The following SMTNL2 variants were observed in gnomAD, a reference collection of about 807,000 sequenced individuals.
SMTNL2 encodes the protein smoothelin-like protein 2.
In SMTNL2, 43 loss-of-function variants were observed where a neutral mutation model predicts 44.1. That is an observed-to-expected ratio of 0.98 (90% CI 0.76 to 1.26). SMTNL2 has a LOEUF of 1.26. SMTNL2 is among the 50% of genes most tolerant of loss of function. The probability of loss-of-function intolerance (pLI) is 0.00; values close to 1 mark genes in which losing one functional copy is unlikely to be tolerated. For synonymous variants in SMTNL2, 317 were observed against 287.6 expected, an observed-to-expected ratio of 1.10 and a Z score of -1.03; for missense variants, 646 against 670.2, an observed-to-expected ratio of 0.96 and a Z score of 0.40.
In SMTNL2 at chr17:4,592,237, G is replaced by T; in HGVS notation, c.400-124G>T. 2 of 877,688 alleles carry T rather than the reference G, an allele frequency of 2.3e-6. No individual in the cohort carries two copies. Among genetic ancestry groups the T allele is most frequent in the Non-Finnish European group, 3.6e-6 (2 of 551,538 alleles). 54.4% of individuals were successfully genotyped at this position (877,688 alleles called of 1,614,324 possible). On this transcript the variant is annotated intron_variant, in intron 1 of 7. Transcript: ENST00000389313. This position sits in a 1 kb window ranked among gnomAD's most constrained non-coding sequence, Gnocchi z 4.5. ...TTGGCCCGTCACTTTCTTCCTGGGGGCTGTTTTCTCTCAACATGATTGGTG... is the reference window on the plus strand; with the variant it reads ...TTGGCCCGTCACTTTCTTCCTGGGGTCTGTTTTCTCTCAACATGATTGGTG...
chr17:4,592,598 G>A lies in SMTNL2; in HGVS notation c.487+150G>A, dbSNP rs1909627102. ...AGGGAGAGAGGCTGCCAGGAGAGCA[G>A]CGTCATTCAGTAGAACTTGTGAAAC... is the stretch of plus-strand genomic sequence containing the variant. On this transcript the variant is annotated intron_variant, in intron 2 of 7. Transcript: ENST00000389313. This position sits in a 1 kb window ranked among gnomAD's most constrained non-coding sequence, Gnocchi z 4.5. 1.4e-6 allele frequency: 1 copy of A among 731,800 alleles called. No homozygotes were observed. The highest frequency in any genetic ancestry group is 2.2e-6 in the Non-Finnish European group (1 of 455,516). 45.3% of individuals were successfully genotyped at this position (731,800 alleles called of 1,614,324 possible). A position where few individuals can be genotyped will look rare whatever the true frequency, so the allele number is the denominator to read the frequency against.
intron 1 of SMTNL2, among the ~76,000 whole-genome samples, chr17:4,588,505 A>G (rs1909435756): frequency 6.6e-6 from 1 of 152,112 alleles, no homozygotes; most frequent in East Asian, 1.9e-4. Flanking sequence ...GTCCCAGCAT[A>G]CCGAGGCCCC....
Position 4,596,329 on chromosome 17 carries a change from G to A in SMTNL2, c.990-531G>A, listed in dbSNP as rs562864734. 7.7e-4 allele frequency among the ~76,000 whole-genome samples: 118 copies of A among 152,344 alleles called. 3 individuals are homozygous for A. The South Asian group carries it at 0.013, about 17-fold the overall frequency. On this transcript the variant is annotated intron_variant, in intron 5 of 7. Coordinates refer to ENST00000389313, the MANE Select transcript of SMTNL2 (RefSeq NM_001114974.2). ...CTGCTCGACTCTAGTGAGGGGGACC[G>A]ACCCCGGACATCTCCCCACTGGCCC...
intron 7 of SMTNL2, among the ~76,000 whole-genome samples, chr17:4,604,947 A>G (rs990136641): frequency 1.3e-5 from 2 of 152,114 alleles, no homozygotes; most frequent in South Asian, 2.1e-4. Flanking sequence ...CCGGGATTAC[A>G]GGTGTGAGCC....
chr17:4,592,440 CGG>C lies in SMTNL2; in HGVS notation c.483_484del (p.Ala162ArgfsTer8), dbSNP rs1567633214. 9 of 1,612,258 alleles carry C rather than the reference CGG, an allele frequency of 5.6e-6. No individual in the cohort carries two copies. The South Asian group carries it at 9.9e-5, about 18-fold the overall frequency. ...TGCATCATGGAAAATGGGCACCAGC[CGG>C]GGGCAGGTAGGGCTGACGGCAGAGG... On this transcript the variant is annotated frameshift_variant, in exon 2 of 8. Coordinates refer to ENST00000389313, the MANE Select transcript of SMTNL2 (RefSeq NM_001114974.2). LOFTEE classifies it high-confidence loss of function. This position sits in a 1 kb window ranked among gnomAD's most constrained non-coding sequence, Gnocchi z 4.5.
chr17:4,595,361 C>A lies in SMTNL2; in HGVS notation c.989+34C>A, dbSNP rs59211026. On this transcript the variant is annotated intron_variant, in intron 5 of 7. Transcript: ENST00000389313. The surrounding 1 kb of genome is among the most constrained non-coding windows in gnomAD (Gnocchi z 5.1). The stretch of plus-strand genomic sequence containing the variant: ...GCCCACTCACAGACAGGCCCGGCCC[C>A]ACGGTGTGCCCAGACCCAGACGGGG... The A allele has an allele frequency of 6.2e-7, 1 of 1,600,976 alleles. No individual in the cohort carries two copies. Among genetic ancestry groups the A allele is most frequent in the Non-Finnish European group, 8.5e-7 (1 of 1,172,836 alleles).
At chr17:4,588,888 G>C (rs1909449193) in intron 1 of SMTNL2, among the ~76,000 whole-genome samples, 1 of 152,226 alleles carries the variant, frequency 6.6e-6, no homozygotes, top group South Asian at 2.1e-4. Context: ...GGGTTTAGGG[G>C]TTCCCCCTGC....
chr17:4,584,530 G>T lies in SMTNL2; in HGVS notation c.-76G>T. The T allele has an allele frequency of 1.7e-6, 2 of 1,207,762 alleles. No homozygotes were observed. Among genetic ancestry groups the T allele is most frequent in the South Asian group, 4.1e-5 (1 of 24,112 alleles). 74.8% of individuals were successfully genotyped at this position (1,207,762 alleles called of 1,614,324 possible). On this transcript the variant is annotated 5_prime_UTR_variant, in exon 1 of 8. Transcript: ENST00000389313. ...GAGCGAAGCCAGCCACGGACGGCCA[G>T]TCGCGGCCCGGAGCTGCGGAGCTCG...
At chr17:4,594,048 G>T in intron 4 of SMTNL2, 151 bp downstream of exon 4, 1 of 734,934 alleles carries the variant, frequency 1.4e-6, no homozygotes, top group Non-Finnish European at 2.3e-6. Flanking sequence ...AGGATGGGGG[G>T]AAGGTCTGAG....
chr17:4,604,551 G>C (rs556691180), intron 7 of SMTNL2, among the ~76,000 whole-genome samples: 1 of 152,194 alleles, frequency 6.6e-6, no homozygotes, highest in Non-Finnish European at 1.5e-5. Context: ...GAGGAGTCTT[G>C]CTCGCTCGCT....
rs1161276185 is a variant in SMTNL2, at chr17:4,595,197, A to G, written c.859A>G (p.Ile287Val). The change falls in exon 5 of 8, where the codon ATA becomes GTA. Residue 287 changes from isoleucine (I) to valine (V), a missense_variant. Ile to Val is a conservative substitution (Grantham distance 29, BLOSUM62 3). Transcript: ENST00000389313. This position sits in a 1 kb window ranked among gnomAD's most constrained non-coding sequence, Gnocchi z 5.1. ...QSPVSPQPPA[I>V]TQVHRQGERR... is the part of the protein sequence containing the mutation. ...GCCCGTGTCCCCGCAGCCGCCAGCCATAACTCAGGTCCATCGGCAGGGGGA... is the reference window on the plus strand; with the variant it reads ...GCCCGTGTCCCCGCAGCCGCCAGCCGTAACTCAGGTCCATCGGCAGGGGGA... 1 of 1,613,360 alleles carries G rather than the reference A, an allele frequency of 6.2e-7. No homozygotes were observed. Among genetic ancestry groups the G allele is most frequent in the African/African-American group, 1.3e-5 (1 of 74,934 alleles).
In SMTNL2 at chr17:4,592,702, G is replaced by A. The variant is rs887199482; in HGVS notation, c.488-227G>A. ...GAAAGCAAATAGAGGCTGAGGAGCC[G>A]ACTAGTATTTATTAAGCTGGCCATG... On this transcript the variant is annotated intron_variant, in intron 2 of 7. Coordinates refer to ENST00000389313, the MANE Select transcript of SMTNL2 (RefSeq NM_001114974.2). The surrounding 1 kb of genome is among the most constrained non-coding windows in gnomAD (Gnocchi z 4.5). 6.6e-6 allele frequency among the ~76,000 whole-genome samples: 1 copy of A among 152,124 alleles called. No individual in the cohort carries two copies. The highest frequency in any genetic ancestry group is 1.5e-5 in the Non-Finnish European group (1 of 68,012).
chr17:4,600,381 G>A lies in SMTNL2; in HGVS notation c.1259+3058G>A, dbSNP rs1311519015. 6.6e-6 allele frequency among the ~76,000 whole-genome samples: 1 copy of A among 152,166 alleles called. No individual in the cohort carries two copies. The highest frequency in any genetic ancestry group is 1.5e-5 in the Non-Finnish European group (1 of 68,028). Reference sequence around the variant, plus strand: ...AAGGCAGCCTGGGGGCAGGCAGGGTGGGATGAGAGGAGCCTGGGGTCTGAC... The same window carrying A: ...AAGGCAGCCTGGGGGCAGGCAGGGTAGGATGAGAGGAGCCTGGGGTCTGAC... On this transcript the variant is annotated intron_variant, in intron 7 of 7. Transcript: ENST00000389313. The surrounding 1 kb of genome is among the most constrained non-coding windows in gnomAD (Gnocchi z 4.7).
chr17:4,592,878 C>A lies in SMTNL2; in HGVS notation c.488-51C>A. The A allele has an allele frequency of 8.9e-6, 14 of 1,574,976 alleles. No homozygotes were observed. The highest frequency in any genetic ancestry group is 1.2e-5 in the Non-Finnish European group (14 of 1,156,432). On this transcript the variant is annotated intron_variant, in intron 2 of 7. Transcript: ENST00000389313. The surrounding 1 kb of genome is among the most constrained non-coding windows in gnomAD (Gnocchi z 4.5). ...AGAGCCCTCCTGGGAGGTCCCAGGCCCCTGTGGCTGCCACAGCTGACCACC... is the reference window on the plus strand; with the variant it reads ...AGAGCCCTCCTGGGAGGTCCCAGGCACCTGTGGCTGCCACAGCTGACCACC...
Position 4,595,418 on chromosome 17 carries a change from C to A in SMTNL2, c.989+91C>A. On this transcript the variant is annotated intron_variant, in intron 5 of 7. Coordinates refer to ENST00000389313, the MANE Select transcript of SMTNL2 (RefSeq NM_001114974.2). The surrounding 1 kb of genome is among the most constrained non-coding windows in gnomAD (Gnocchi z 5.1). ...TGGGTGCAGCAGGGCAAGGTTCAGC[C>A]CTGTCCTGTTCCCCAGGGCGCTGTT... 6.7e-7 allele frequency: 1 copy of A among 1,501,418 alleles called. No homozygotes were observed. Among genetic ancestry groups the A allele is most frequent in the Non-Finnish European group, 9.0e-7 (1 of 1,114,566 alleles). 93.0% of individuals were successfully genotyped at this position (1,501,418 alleles called of 1,614,324 possible). A position where few individuals can be genotyped will look rare whatever the true frequency, so the allele number is the denominator to read the frequency against.
chr17:4,589,463 C>G (rs1312792808), intron 1 of SMTNL2, among the ~76,000 whole-genome samples: 2 of 152,132 alleles, frequency 1.3e-5, no homozygotes, highest in African/African-American at 4.8e-5. Context: ...CAGCGTGGCT[C>G]TAGGGGCACC....
rs535545076 is a variant in SMTNL2, at chr17:4,607,549, T to C, written c.*62T>C. 1 of 1,585,998 alleles carries C rather than the reference T, an allele frequency of 6.3e-7. No homozygotes were observed. Among genetic ancestry groups the C allele is most frequent in the East Asian group, 2.3e-5 (1 of 44,298 alleles). On this transcript the variant is annotated 3_prime_UTR_variant, in exon 8 of 8. Coordinates refer to ENST00000389313, the MANE Select transcript of SMTNL2 (RefSeq NM_001114974.2). The surrounding 1 kb of genome is among the most constrained non-coding windows in gnomAD (Gnocchi z 4.7). ...GAAGAGGCCGGGGGTCCGCTTGCGA[T>C]TCCCCAGCCAGGATGCCCCCAGGAG...
intron 1 of SMTNL2, among the ~76,000 whole-genome samples, chr17:4,590,708 CCTT>C (rs1909538540): frequency 6.6e-6 from 1 of 152,164 alleles, no homozygotes; most frequent in Non-Finnish European, 1.5e-5. Context: ...AGCTCCGAGT[CCTT>C]CTTGCCCGTG....
Position 4,598,645 on chromosome 17 carries a change from G to A in SMTNL2, c.1259+1322G>A, listed in dbSNP as rs559904407. ...TCGAGACCAGCTTGGGCAACACGGCGAAACCCTGTCTCTACTAAAATACAA... is the reference window on the plus strand; with the variant it reads ...TCGAGACCAGCTTGGGCAACACGGCAAAACCCTGTCTCTACTAAAATACAA... On this transcript the variant is annotated intron_variant, in intron 7 of 7. Coordinates refer to ENST00000389313, the MANE Select transcript of SMTNL2 (RefSeq NM_001114974.2). This position sits in a 1 kb window ranked among gnomAD's most constrained non-coding sequence, Gnocchi z 4.8. Among the ~76,000 whole-genome samples the A allele has an allele frequency of 6.4e-4, 98 of 152,170 alleles. No individual in the cohort carries two copies. The highest frequency in any genetic ancestry group is 2.1e-3 in the African/African-American group (88 of 41,534).
Sources: allele counts gnomAD v4.1 joint callset (sites outside exome capture counted in the v4.1 genomes callset), GRCh38; gene constraint gnomAD v4.1.1; non-coding constraint Gnocchi (gnomAD v3.1); transcripts MANE v1.5; gene names NCBI Gene and HGNC (gene_info 2026-07-23, HGNC 2026-07-21).